Variants in NVL observed in about 807,000 individuals in gnomAD.
The protein encoded by NVL is nuclear valosin-containing protein-like.
A neutral mutation model predicts 110.2 loss-of-function variants in NVL; 84 were observed. The ratio of observed to expected loss-of-function variants is 0.76; its 90% CI spans 0.64 to 0.91. The LOEUF (loss-of-function observed/expected upper bound fraction) is 0.91. Among genes scored for constraint, NVL ranks in the 40% least tolerant of loss-of-function variants. The pLI is 0.00. For missense variants in NVL, 882 were observed against 1,035.9 expected (o/e 0.85, Z 2.04); for synonymous variants, 354 against 361.1 (o/e 0.98, Z 0.22).
chr1:224,300,550 T>C lies in NVL; in HGVS notation c.1062+12A>G, dbSNP rs191740838. On this transcript the variant is annotated intron_variant, in intron 10 of 22. Coordinates refer to ENST00000281701, the MANE Select transcript of NVL (RefSeq NM_002533.4). The stretch of plus-strand genomic sequence containing the variant: ...CGTCTGACCACCTGGCATTAGTCAT[T>C]AACTGACTCACCACAGCTTGCTCAA... 7.5e-6 allele frequency: 12 copies of C among 1,605,814 alleles called. No individual in the cohort carries two copies. Among genetic ancestry groups the C allele is most frequent in the Middle Eastern group, 1.7e-4 (1 of 6,026 alleles).
At chr1:224,248,944 G>A (rs1407859706) in intron 19 of NVL, among the ~76,000 whole-genome samples, 3 of 152,192 alleles carry the variant, frequency 2.0e-5, no homozygotes, top group African/African-American at 7.2e-5. Flanking sequence ...ATGGGGGGAG[G>A]TATCTCCAAC....
intron 20 of NVL, among the ~76,000 whole-genome samples, chr1:224,235,650 G>GCCA (rs1660382811): frequency 1.3e-5 from 2 of 152,050 alleles, no homozygotes; most frequent in African/African-American, 2.4e-5. Flanking sequence ...AAAAAAAAGG[G>GCCA]CCGGGTGTGG....
At chr1:224,247,119 T>C (rs572420172) in intron 19 of NVL, among the ~76,000 whole-genome samples, 1 of 151,224 alleles carries the variant, frequency 6.6e-6, no homozygotes, top group African/African-American at 2.4e-5. Flanking sequence ...GCAGTCATCA[T>C]CAAGCTTGTT....
chr1:224,250,899 C>T (rs1007500104), intron 18 of NVL, among the ~76,000 whole-genome samples: 6 of 152,106 alleles, frequency 3.9e-5, no homozygotes, highest in African/African-American at 1.2e-4. Flanking sequence ...GCAAGCAATC[C>T]GCCCTTCTCG....
chr1:224,229,439 A>C (rs940137381), intron 22 of NVL, among the ~76,000 whole-genome samples: 2 of 151,962 alleles, frequency 1.3e-5, no homozygotes. Context: ...AATTAAAAAA[A>C]AATTTTTTTT....
In NVL at chr1:224,326,474, AAAATATAAC is replaced by A. The variant is rs1419917488; in HGVS notation, c.58-19_58-11del. 6.3e-7 allele frequency: 1 copy of A among 1,579,812 alleles called. No individual in the cohort carries two copies. On this transcript the variant is annotated splice_polypyrimidine_tract_variant and intron_variant, in intron 1 of 22. Transcript: ENST00000281701. ...TGTTACTGGTAAGGTACTAAAACAG[AAAATATAAC>A]AAATACAAAACACCCAATATTTCAA...
Position 224,267,970 on chromosome 1 carries a change from T to G in NVL, c.2182+64A>C. On this transcript the variant is annotated intron_variant, in intron 18 of 22. Transcript: ENST00000281701. ...TTACTTTTATTTTTAATTATCTGAA[T>G]CTCTTCTACGGAAATGCTGTAAGTT... 2.8e-6 allele frequency: 3 copies of G among 1,089,646 alleles called. No individual in the cohort carries two copies. In the South Asian group the frequency reaches 4.0e-5, roughly 15 times the overall value. 67.5% of individuals were successfully genotyped at this position (1,089,646 alleles called of 1,614,324 possible).
At chr1:224,245,311 T>C (rs1661684649) in intron 19 of NVL, among the ~76,000 whole-genome samples, 1 of 152,204 alleles carries the variant, frequency 6.6e-6, no homozygotes, top group African/African-American at 2.4e-5. Context: ...GTGCTTCCTC[T>C]TCCTCTCAAT....
At chr1:224,260,220 C>CAATTTAGTA (rs1376279118) in intron 18 of NVL, among the ~76,000 whole-genome samples, 1 of 152,166 alleles carries the variant, frequency 6.6e-6, no homozygotes, top group Non-Finnish European at 1.5e-5. Context: ...TATCTTAGTA[C>CAATTTAGTA]AATGAAATAA....
At chr1:224,257,287 C>T in intron 18 of NVL, 1 of 278,412 alleles carries the variant, frequency 3.6e-6, no homozygotes, top group South Asian at 3.7e-5. Flanking sequence ...TATAAAGCAC[C>T]TACCTCCCCT....
rs200417559 is a variant in NVL at position 224,317,738 on chromosome 1, A to C, written c.240T>G (p.Asp80Glu). 7.5e-6 allele frequency: 12 copies of C among 1,610,444 alleles called. No individual in the cohort carries two copies. In the East Asian group the frequency reaches 2.7e-4, roughly 36 times the overall value. The change falls in exon 4 of 23, where the codon GAT becomes GAG. Residue 80 changes from aspartate (D) to glutamate (E), a missense_variant. Physicochemically the swap from Asp to Glu is conservative, Grantham distance 45. This residue lies in a region of NVL where 274 missense variants were observed against 268.4 expected (regional missense o/e 1.02). Coordinates refer to ENST00000281701, the MANE Select transcript of NVL (RefSeq NM_002533.4). The part of the protein sequence containing the change: ...KELKNLTELE[D>E]EHLAKRARQG... ...GTCTTGCCCTTTTTGCCAAATGTTC[A>C]TCTTCTAATTCTGTTAAATTCTTAA...
intron 19 of NVL, among the ~76,000 whole-genome samples, chr1:224,244,963 G>T (rs1252502082): frequency 6.6e-6 from 1 of 152,194 alleles, no homozygotes; most frequent in Non-Finnish European, 1.5e-5. Flanking sequence ...TGGGATTACA[G>T]GTGTGAGCCA....
chr1:224,317,878 C>A lies in NVL; in HGVS notation c.184G>T (p.Val62Leu). Residue 62 changes from valine to leucine, a missense_variant and splice_region_variant, in exon 3 of 23, where the codon GTA becomes TTA. Around this residue, in one of 4 missense-constraint regions of NVL, gnomAD observed 274 missense variants for 268.4 expected, o/e 1.02. Coordinates refer to ENST00000281701, the MANE Select transcript of NVL (RefSeq NM_002533.4). ...RNAFRIQVEK[V>L]FSIISSEKEL... ...ATTTAGCTCTAACAATAAGACTCAC[C>A]TTTTTCTACCTGAATCCTAAAAGCA... 2 of 1,590,080 alleles carry A rather than the reference C, an allele frequency of 1.3e-6. No individual in the cohort carries two copies. Among genetic ancestry groups the A allele is most frequent in the Non-Finnish European group, 1.7e-6 (2 of 1,160,734 alleles).
At chr1:224,237,807 G>A (rs910550513) in intron 19 of NVL, among the ~76,000 whole-genome samples, 5 of 143,582 alleles carry the variant, frequency 3.5e-5, no homozygotes, top group African/African-American at 1.3e-4. Flanking sequence ...CTGTCTCCTA[G>A]GAGCGATGGG....
At chr1:224,242,042 A>AG (rs1383948480) in intron 19 of NVL, among the ~76,000 whole-genome samples, 1 of 152,078 alleles carries the variant, frequency 6.6e-6, no homozygotes, top group East Asian at 1.9e-4. Context: ...CAAAAAAAAA[A>AG]AAAGTTATAT....
chr1:224,268,183 T>G (rs762880344), intron 17 of NVL, 50 bp from the exon 18 acceptor site: 69 of 1,266,744 alleles, frequency 5.4e-5, no homozygotes, highest in Non-Finnish European at 7.8e-5. Context: ...AAAGGAAAAA[T>G]ACCCATTTTC....
chr1:224,306,703 G>A (rs1030230903), intron 6 of NVL, among the ~76,000 whole-genome samples: 1 of 152,094 alleles, frequency 6.6e-6, no homozygotes, highest in Non-Finnish European at 1.5e-5. Context: ...GTGGTGGTGG[G>A]CACCTGTAGT....
chr1:224,288,714 T>C lies in NVL; in HGVS notation c.1576-721A>G, dbSNP rs1667097500. Among the ~76,000 whole-genome samples, 4 of 152,284 alleles carry C rather than the reference T, an allele frequency of 2.6e-5. No individual in the cohort carries two copies. In the South Asian group the frequency reaches 8.3e-4, roughly 32 times the overall value. On this transcript the variant is annotated intron_variant, in intron 13 of 22. Transcript: ENST00000281701. ...ATGGGCTTGAGGAAATCACAACCACTTAAGCTTAGTGCCTTTGATTATAAA... is the reference window on the plus strand; with the variant it reads ...ATGGGCTTGAGGAAATCACAACCACCTAAGCTTAGTGCCTTTGATTATAAA...
chr1:224,318,006 C>A, intron 2 of NVL, 76 bp from the exon 3 acceptor site: 1 of 1,006,582 alleles, frequency 9.9e-7, no homozygotes, highest in South Asian at 1.5e-5. Flanking sequence ...CTAAATGGAT[C>A]AAATAAATTT....
Sources: allele counts gnomAD v4.1 joint callset (sites outside exome capture counted in the v4.1 genomes callset), GRCh38; gene constraint gnomAD v4.1.1; regional missense constraint gnomAD v4.1.1; transcripts MANE v1.5; gene names NCBI Gene and HGNC (gene_info 2026-07-23, HGNC 2026-07-21).